CNTN6: variants seen among roughly 807,000 people sequenced by gnomAD.
CNTN6 encodes contactin 6, also known as contactin-6.
A neutral mutation model predicts 122.8 loss-of-function variants in CNTN6; 137 were observed. The observed-to-expected ratio is 1.12, with a 90% CI of 0.97 to 1.29. The LOEUF (loss-of-function observed/expected upper bound fraction) is 1.29. CNTN6 is among the 50% of genes most tolerant of loss of function. The probability of loss-of-function intolerance (pLI) is 0.00; values close to 1 mark genes in which losing one functional copy is unlikely to be tolerated. For synonymous variants in CNTN6, 570 were observed against 426.0 expected (o/e 1.34, Z -4.16); for missense variants, 1,634 against 1,223.4 (o/e 1.34, Z -5.01).
intron 2 of CNTN6, among the ~76,000 whole-genome samples, chr3:1,184,810 C>G (rs886128232): frequency 6.6e-6 from 1 of 152,014 alleles, no homozygotes; most frequent in Admixed American, 6.6e-5. Context: ...TTTGAATGGG[C>G]AAATCTTATG....
chr3:1,224,236 T>G (rs1295162411), intron 3 of CNTN6, among the ~76,000 whole-genome samples: 1 of 151,782 alleles, frequency 6.6e-6, no homozygotes, highest in African/African-American at 2.4e-5. Flanking sequence ...AAGTAGAGTG[T>G]AGAATGGAGG....
intron 2 of CNTN6, among the ~76,000 whole-genome samples, chr3:1,161,234 AT>A (rs2093124821): frequency 7.9e-6 from 1 of 127,310 alleles, no homozygotes; most frequent in Non-Finnish European, 1.6e-5. Context: ...TATATTGCAT[AT>A]AATGATATAT....
chr3:1,263,942 T>G (rs927281295), intron 4 of CNTN6, among the ~76,000 whole-genome samples: 4 of 151,516 alleles, frequency 2.6e-5, no homozygotes, highest in African/African-American at 9.7e-5. Context: ...AAAAAGAATC[T>G]AGAATGCAAA....
chr3:1,155,701 T>C (rs1430980722), intron 2 of CNTN6, among the ~76,000 whole-genome samples: 1 of 152,202 alleles, frequency 6.6e-6, no homozygotes, highest in Non-Finnish European at 1.5e-5. Context: ...AATTTAAATA[T>C]TTAAACTTGT....
intron 2 of CNTN6, among the ~76,000 whole-genome samples, chr3:1,187,472 C>T (rs545683380): frequency 2.0e-5 from 3 of 152,218 alleles, no homozygotes; most frequent in African/African-American, 7.2e-5. Context: ...TGTCAGGCTA[C>T]AAAGGCTTCA....
At chr3:1,275,515 C>G (rs1236764601) in intron 4 of CNTN6, among the ~76,000 whole-genome samples, 1 of 152,168 alleles carries the variant, frequency 6.6e-6, no homozygotes, top group Non-Finnish European at 1.5e-5. Flanking sequence ...AGGTTAACTC[C>G]TAGACAACTG....
chr3:1,183,872 G>A (rs952993570), intron 2 of CNTN6, among the ~76,000 whole-genome samples: 25 of 152,160 alleles, frequency 1.6e-4, no homozygotes, highest in African/African-American at 5.1e-4. Flanking sequence ...TGACTGGGTT[G>A]TCATGCGATG....
At chr3:1,386,017 T>C (rs892652010) in intron 20 of CNTN6, among the ~76,000 whole-genome samples, 1 of 152,226 alleles carries the variant, frequency 6.6e-6, no homozygotes, top group Non-Finnish European at 1.5e-5. Context: ...ATATTCCAAG[T>C]ATATCGATGA....
intron 12 of CNTN6, among the ~76,000 whole-genome samples, chr3:1,370,226 C>CT (rs759539107): frequency 1.1e-4 from 16 of 150,638 alleles, no homozygotes; most frequent in Non-Finnish European, 2.2e-4. Context: ...CTTTTTCTTT[C>CT]TTTTTTTTTA....
At chr3:1,325,756 G>T in intron 8 of CNTN6, 59 bp from the exon 9 acceptor site, 1 of 1,573,686 alleles carries the variant, frequency 6.4e-7, no homozygotes. Flanking sequence ...TTGTAATGTA[G>T]CATAATGTCT....
At chr3:1,110,886 A>G (rs1412683263) in intron 1 of CNTN6, among the ~76,000 whole-genome samples, 5 of 152,154 alleles carry the variant, frequency 3.3e-5, no homozygotes, top group African/African-American at 1.2e-4. Flanking sequence ...CCTTTGGTTA[A>G]TTAGAAGGGG....
chr3:1,403,384 T>C lies in CNTN6; in HGVS notation c.3053T>C (p.Ile1018Thr), dbSNP rs764527939. Residue 1018 changes from isoleucine to threonine, a missense_variant, in exon 23 of 23, where the codon ATT becomes ACT. Coordinates refer to ENST00000446702, the MANE Select transcript of CNTN6 (RefSeq NM_001289080.2). Reference protein sequence around the residue: ...STHFLSIVIVIFHCFAIQPLI With the variant: ...STHFLSIVIVTFHCFAIQPLI ...CATTTTCTTTCCATTGTCATTGTGA[T>C]TTTTCACTGTTTTGCTATTCAGCCA... 1 of 1,611,074 alleles carries C rather than the reference T, an allele frequency of 6.2e-7. No individual in the cohort carries two copies. The highest frequency in any genetic ancestry group is 2.2e-5 in the East Asian group (1 of 44,754).
intron 5 of CNTN6, among the ~76,000 whole-genome samples, chr3:1,286,968 C>A (rs1410637648): frequency 6.6e-6 from 1 of 152,080 alleles, no homozygotes; most frequent in Non-Finnish European, 1.5e-5. Context: ...TCAAAAGAGA[C>A]AAAGAAGGTC....
intron 12 of CNTN6, among the ~76,000 whole-genome samples, chr3:1,358,240 A>G (rs1706902942): frequency 6.6e-6 from 1 of 152,010 alleles, no homozygotes; most frequent in African/African-American, 2.4e-5. Flanking sequence ...ATGTATGTAT[A>G]TATAAATCTC....
At chr3:1,212,433 T>G (rs2094055146) in intron 2 of CNTN6, among the ~76,000 whole-genome samples, 1 of 151,456 alleles carries the variant, frequency 6.6e-6, no homozygotes, top group South Asian at 2.1e-4. Context: ...GTAGTATGTA[T>G]ACACATATAG....
chr3:1,401,325 C>A (rs1695676610), intron 20 of CNTN6, 108 bp from the exon 21 acceptor site: 1 of 839,812 alleles, frequency 1.2e-6, no homozygotes, highest in Admixed American at 2.4e-5. Context: ...ATTTTAGCTC[C>A]TTCTATGCAA....
chr3:1,134,535 A>T (rs1197382160), intron 1 of CNTN6, among the ~76,000 whole-genome samples: 1 of 152,138 alleles, frequency 6.6e-6, no homozygotes, highest in African/African-American at 2.4e-5. Flanking sequence ...AGACCTGGAT[A>T]CAAATTAAGA....
At chr3:1,106,878 C>T (rs989650089) in intron 1 of CNTN6, among the ~76,000 whole-genome samples, 2 of 151,862 alleles carry the variant, frequency 1.3e-5, no homozygotes, top group African/African-American at 2.4e-5. Flanking sequence ...TCATTTTGGT[C>T]AATAATAATA....
At chr3:1,206,791 T>C (rs1398626516) in intron 2 of CNTN6, among the ~76,000 whole-genome samples, 1 of 152,160 alleles carries the variant, frequency 6.6e-6, no homozygotes, top group East Asian at 1.9e-4. Context: ...AGTGGAATGT[T>C]TTTTACTCAT....
Sources: allele counts gnomAD v4.1 joint callset (sites outside exome capture counted in the v4.1 genomes callset), GRCh38; gene constraint gnomAD v4.1.1; transcripts MANE v1.5; gene names NCBI Gene and HGNC (gene_info 2026-07-23, HGNC 2026-07-21).